The following MSRA variants were observed in gnomAD, a reference collection of about 807,000 sequenced individuals.
The protein encoded by MSRA is mitochondrial peptide methionine sulfoxide reductase.
In MSRA, 54 loss-of-function variants were observed where a neutral mutation model predicts 31.3. The observed-to-expected ratio is 1.73, with a 90% confidence interval of 1.39 to 2.17. The LOEUF is 2.17. MSRA is among the 30% of genes most tolerant of loss of function. The pLI is 0.00. For missense variants in MSRA, 507 were observed against 300.9 expected (o/e 1.69, Z -5.07); for synonymous variants, 169 against 116.5 (o/e 1.45, Z -2.90).
chr8:10,160,726 C>T lies in MSRA; in HGVS notation c.143-47107C>T, dbSNP rs549498804. On this transcript the variant is annotated intron_variant, in intron 1 of 5. Transcript: ENST00000317173. ...TGTATTTTTAGTAGAGACAGGATTT[C>T]ACCATCTTGGCCAGGCAGATCTTGA... Among the ~76,000 whole-genome samples the T allele has an allele frequency of 6.5e-4, 99 of 152,170 alleles. 1 individual carries two copies. The South Asian group carries it at 0.014, about 22-fold the overall frequency.
chr8:10,057,079 A>T (rs1317006363), intron 1 of MSRA, among the ~76,000 whole-genome samples: 1 of 152,208 alleles, frequency 6.6e-6, no homozygotes, highest in African/African-American at 2.4e-5. Flanking sequence ...GCAAGAAGGA[A>T]AGAGTCAAAC....
intron 1 of MSRA, among the ~76,000 whole-genome samples, chr8:10,155,224 A>G (rs767017153): frequency 6.6e-6 from 1 of 152,078 alleles, no homozygotes; most frequent in Non-Finnish European, 1.5e-5. Flanking sequence ...GACATTCTGA[A>G]ACTATTTTGT....
intron 5 of MSRA, among the ~76,000 whole-genome samples, chr8:10,406,624 C>G (rs1409247721): frequency 7.2e-5 from 11 of 152,198 alleles, no homozygotes; most frequent in Non-Finnish European, 1.6e-4. Context: ...CAGTCTGTTG[C>G]TCTCTTTTCC....
At chr8:10,379,725 C>G (rs1336555047) in intron 5 of MSRA, among the ~76,000 whole-genome samples, 2 of 152,200 alleles carry the variant, frequency 1.3e-5, no homozygotes, top group Non-Finnish European at 2.9e-5. Flanking sequence ...AGGATAAATT[C>G]CTAAGTATGG....
intron 5 of MSRA, among the ~76,000 whole-genome samples, chr8:10,424,283 A>C (rs1039945793): frequency 1.7e-4 from 26 of 152,320 alleles, no homozygotes; most frequent in Non-Finnish European, 2.8e-4. Context: ...GGGGAAGGAA[A>C]GGCTGAAAAG....
At chr8:10,414,325 C>T (rs527787265) in intron 5 of MSRA, among the ~76,000 whole-genome samples, 1 of 152,340 alleles carries the variant, frequency 6.6e-6, no homozygotes, top group East Asian at 1.9e-4. Context: ...TTAACTTCCT[C>T]ATTTTACGGC....
At chr8:10,320,044 G>C in intron 5 of MSRA, 55 bp downstream of exon 5, 2 of 1,211,582 alleles carry the variant, frequency 1.7e-6, no homozygotes, top group Non-Finnish European at 2.3e-6. Flanking sequence ...CTAGGGCCAG[G>C]TTCTGATTTT....
intron 1 of MSRA, among the ~76,000 whole-genome samples, chr8:10,133,543 C>T (rs1674008263): frequency 1.3e-5 from 2 of 152,212 alleles, no homozygotes; most frequent in African/African-American, 4.8e-5. Context: ...GGGTTTAAAT[C>T]TGGGCTTTGC....
chr8:10,223,736 G>C (rs1585208335), intron 2 of MSRA, among the ~76,000 whole-genome samples: 1 of 152,196 alleles, frequency 6.6e-6, no homozygotes, highest in Admixed American at 6.5e-5. Context: ...TTGTAGGGGT[G>C]TAGTTAAGAT....
At chr8:10,372,680 A>G (rs564711818) in intron 5 of MSRA, among the ~76,000 whole-genome samples, 1 of 152,352 alleles carries the variant, frequency 6.6e-6, no homozygotes, top group East Asian at 1.9e-4. Context: ...AGTAACAGTG[A>G]TGTGAAACAG....
chr8:10,351,093 C>T (rs1804104887), intron 5 of MSRA, among the ~76,000 whole-genome samples: 1 of 152,200 alleles, frequency 6.6e-6, no homozygotes, highest in Non-Finnish European at 1.5e-5. Context: ...CAGACGACGT[C>T]CTGCCAAGTG....
rs185053309 is a variant in MSRA at position 10,207,651 on chromosome 8, G to T, written c.143-182G>T. ...ATAAAATGACATACCTGAACTAGATGATCTCTAGGCCCTTCTGCAATGGAG... is the reference window on the plus strand; with the variant it reads ...ATAAAATGACATACCTGAACTAGATTATCTCTAGGCCCTTCTGCAATGGAG... On this transcript the variant is annotated intron_variant, in intron 1 of 5. Transcript: ENST00000317173. Among the ~76,000 whole-genome samples the T allele has an allele frequency of 6.0e-3, 917 of 152,254 alleles. 7 individuals are homozygous for T. Among genetic ancestry groups the T allele is most frequent in the South Asian group, 0.034 (164 of 4,822 alleles).
rs1430834626 is a variant in MSRA at position 10,365,613 on chromosome 8, GCAA to G, written c.543+45627_543+45629del. On this transcript the variant is annotated intron_variant, in intron 5 of 5. Transcript: ENST00000317173. ...ATAGCCATGCCATTTAATTTTATCT[GCAA>G]CAGCAGGAACTACTTATAGACTGAG... 2.0e-5 allele frequency among the ~76,000 whole-genome samples: 3 copies of G among 152,286 alleles called. No homozygotes were observed. In the East Asian group the frequency reaches 5.8e-4, roughly 29 times the overall value.
intron 5 of MSRA, among the ~76,000 whole-genome samples, chr8:10,379,580 C>A (rs955478450): frequency 1.2e-4 from 19 of 152,176 alleles, no homozygotes; most frequent in Non-Finnish European, 2.9e-5. Context: ...GCCTTCCCCC[C>A]TCTTCCCCTC....
intron 3 of MSRA, among the ~76,000 whole-genome samples, chr8:10,269,772 C>T (rs1296756623): frequency 6.6e-6 from 1 of 152,234 alleles, no homozygotes. Context: ...CTGCCTCAGC[C>T]TCCTGAGTAG....
rs1294604610 is a variant in MSRA at position 10,161,127 on chromosome 8, G to C, written c.143-46706G>C. 5.3e-5 allele frequency among the ~76,000 whole-genome samples: 8 copies of C among 152,186 alleles called. No individual in the cohort carries two copies. The East Asian group carries it at 1.2e-3, about 22-fold the overall frequency. On this transcript the variant is annotated intron_variant, in intron 1 of 5. Transcript: ENST00000317173. ...GATATCCACTTTCTAAATACGGTCT[G>C]TGTGAATTCTAATGAAAACATCAGC...
At chr8:10,377,156 T>G (rs13272232) in intron 5 of MSRA, among the ~76,000 whole-genome samples, 70,274 of 152,094 alleles carry the variant, frequency 0.46, 16,353 homozygotes, top group African/African-American at 0.48. Flanking sequence ...TGATCGCGAG[T>G]TTTTCTTGGA....
intron 3 of MSRA, among the ~76,000 whole-genome samples, chr8:10,250,223 C>T (rs1055742060): frequency 6.6e-6 from 1 of 152,122 alleles, no homozygotes; most frequent in African/African-American, 2.4e-5. Context: ...TATTCAGATT[C>T]CTGAATACTC....
chr8:10,296,066 T>G (rs567195003), intron 3 of MSRA, among the ~76,000 whole-genome samples: 190 of 152,294 alleles, frequency 1.2e-3, no homozygotes, highest in African/African-American at 4.3e-3. Flanking sequence ...GATTTTTCCC[T>G]TTTGCCACTT....
Sources: allele counts gnomAD v4.1 joint callset (sites outside exome capture counted in the v4.1 genomes callset), GRCh38; gene constraint gnomAD v4.1.1; transcripts MANE v1.5; gene names NCBI Gene and HGNC (gene_info 2026-07-23, HGNC 2026-07-21).